DLGAP1: variants seen among roughly 807,000 people sequenced by gnomAD.
DLGAP1 encodes the protein disks large-associated protein 1.
Under a neutral mutation model 90.8 loss-of-function variants are expected in DLGAP1, and 11 were observed. That is an observed-to-expected ratio of 0.12 (90% CI 0.08 to 0.20). The LOEUF (loss-of-function observed/expected upper bound fraction) is 0.20. Ranked by LOEUF, DLGAP1 falls within the 10% of genes least tolerant of loss-of-function variation. The pLI is 1.00. For missense variants in DLGAP1, 1,050 were observed against 1,333.8 expected (o/e 0.79, Z 3.31); for synonymous variants, 558 against 540.7 (o/e 1.03, Z -0.44).
intron 2 of DLGAP1, among the ~76,000 whole-genome samples, chr18:4,072,840 C>G (rs191004820): frequency 6.6e-6 from 1 of 152,242 alleles, no homozygotes; most frequent in African/African-American, 2.4e-5. Flanking sequence ...ATCTCAACAG[C>G]CTCATGAAGA....
At chr18:3,903,230 G>A (rs61492710) in intron 3 of DLGAP1, among the ~76,000 whole-genome samples, 1,590 of 152,280 alleles carry the variant, frequency 0.01, 29 homozygotes, top group African/African-American at 0.036. Flanking sequence ...CCTGCTTACA[G>A]ATGCTACCTG....
At chr18:4,186,099 C>T (rs2077290116) in intron 1 of DLGAP1, among the ~76,000 whole-genome samples, 1 of 152,016 alleles carries the variant, frequency 6.6e-6, no homozygotes, top group African/African-American at 2.4e-5. Flanking sequence ...AGTGTCTGTT[C>T]CTGTCACTTG....
chr18:4,198,769 C>T (rs1244516786), intron 1 of DLGAP1, among the ~76,000 whole-genome samples: 1 of 152,194 alleles, frequency 6.6e-6, no homozygotes, highest in Non-Finnish European at 1.5e-5. Flanking sequence ...CTTGTAGGTG[C>T]ATATCAAATG....
At chr18:4,353,961 G>C (rs1048682164) in intron 1 of DLGAP1, among the ~76,000 whole-genome samples, 1 of 152,180 alleles carries the variant, frequency 6.6e-6, no homozygotes, top group East Asian at 1.9e-4. Flanking sequence ...AGTAGGTTTT[G>C]TGGGTAAACG....
intron 7 of DLGAP1, among the ~76,000 whole-genome samples, chr18:3,719,062 G>A (rs971901384): frequency 3.3e-5 from 5 of 151,954 alleles, no homozygotes; most frequent in African/African-American, 4.8e-5. Context: ...GAAGCAGAAA[G>A]TATAACATTG....
Position 3,565,508 on chromosome 18 carries a change from A to C in DLGAP1, c.2057+1982T>G, listed in dbSNP as rs1356286042. Reference sequence around the variant, plus strand: ...ATACTTTCAAAAATTTTTCTAAAACACTTAATAAAGAAACATATGCCTAGG... The same window carrying C: ...ATACTTTCAAAAATTTTTCTAAAACCCTTAATAAAGAAACATATGCCTAGG... On this transcript the variant is annotated intron_variant, in intron 9 of 12. Coordinates refer to ENST00000315677, the MANE Select transcript of DLGAP1 (RefSeq NM_004746.4). This position sits in a 1 kb window ranked among gnomAD's most constrained non-coding sequence, Gnocchi z 4.0. Among the ~76,000 whole-genome samples the C allele has an allele frequency of 6.6e-6, 1 of 151,996 alleles. No homozygotes were observed. The highest frequency in any genetic ancestry group is 1.5e-5 in the Non-Finnish European group (1 of 67,998).
intron 3 of DLGAP1, among the ~76,000 whole-genome samples, chr18:3,932,057 G>A (rs1035385267): frequency 2.0e-5 from 3 of 152,134 alleles, no homozygotes; most frequent in African/African-American, 7.2e-5. Context: ...ACCAGACACC[G>A]ACAGGCCTGG....
intron 7 of DLGAP1, among the ~76,000 whole-genome samples, chr18:3,652,452 C>G (rs958385350): frequency 6.6e-6 from 1 of 152,170 alleles, no homozygotes; most frequent in African/African-American, 2.4e-5. Context: ...TTCAGACTCC[C>G]AAGTAGCTAG....
rs373326473 is a variant in DLGAP1 at position 3,660,430 on chromosome 18, C to T, written c.1591+68705G>A. Among the ~76,000 whole-genome samples, 24 of 152,358 alleles carry T rather than the reference C, an allele frequency of 1.6e-4. No individual in the cohort carries two copies. The highest frequency in any genetic ancestry group is 6.2e-4 in the South Asian group (3 of 4,834). ...ATATAATCAGAAGGAGAGCAGGAACCTGGTCTGTTTTGTTTGCTGCTGTAA... is the reference window on the plus strand; with the variant it reads ...ATATAATCAGAAGGAGAGCAGGAACTTGGTCTGTTTTGTTTGCTGCTGTAA... On this transcript the variant is annotated intron_variant, in intron 7 of 12. Transcript: ENST00000315677. The surrounding 1 kb of genome is among the most constrained non-coding windows in gnomAD (Gnocchi z 4.2).
chr18:3,816,691 C>T (rs2067123466), intron 4 of DLGAP1, among the ~76,000 whole-genome samples: 1 of 152,170 alleles, frequency 6.6e-6, no homozygotes, highest in Non-Finnish European at 1.5e-5. Flanking sequence ...TATTATTATT[C>T]CCATTTTACA....
intron 3 of DLGAP1, among the ~76,000 whole-genome samples, chr18:3,968,091 T>C (rs1173038534): frequency 6.6e-6 from 1 of 152,224 alleles, no homozygotes; most frequent in Non-Finnish European, 1.5e-5. Flanking sequence ...AATATGTAAC[T>C]AGCTCTATCA....
intron 4 of DLGAP1, among the ~76,000 whole-genome samples, chr18:3,838,875 G>A (rs1363847018): frequency 2.0e-5 from 3 of 152,072 alleles, no homozygotes; most frequent in African/African-American, 4.8e-5. Context: ...AAATTAGCAT[G>A]CATTTCACAT....
intron 2 of DLGAP1, among the ~76,000 whole-genome samples, chr18:4,148,717 C>T (rs1336549247): frequency 6.6e-6 from 1 of 152,210 alleles, no homozygotes; most frequent in Admixed American, 6.5e-5. Flanking sequence ...CTCCTGTCCC[C>T]TCCACTTTAA....
At chr18:4,448,311 A>G (rs2083719324) in intron 1 of DLGAP1, among the ~76,000 whole-genome samples, 1 of 152,144 alleles carries the variant, frequency 6.6e-6, no homozygotes. Flanking sequence ...TTACATTTCA[A>G]GCTACCCAAG....
At chr18:3,976,812 T>C (rs970426320) in intron 3 of DLGAP1, among the ~76,000 whole-genome samples, 3 of 152,212 alleles carry the variant, frequency 2.0e-5, no homozygotes, top group Admixed American at 6.5e-5. Flanking sequence ...AATTATAACG[T>C]TATCAGCAAG....
At chr18:3,790,719 C>T (rs146440886) in intron 5 of DLGAP1, among the ~76,000 whole-genome samples, 2 of 152,122 alleles carry the variant, frequency 1.3e-5, no homozygotes, top group East Asian at 1.9e-4. Context: ...GATATATCCA[C>T]GAAAGAAGTT....
intron 1 of DLGAP1, among the ~76,000 whole-genome samples, chr18:4,164,044 C>T (rs1353479783): frequency 6.6e-6 from 1 of 152,076 alleles, no homozygotes; most frequent in Non-Finnish European, 1.5e-5. Flanking sequence ...ACTCTGGCAG[C>T]ACCAGATGAA....
At chr18:4,122,781 C>G (rs1305859566) in intron 2 of DLGAP1, among the ~76,000 whole-genome samples, 1 of 152,154 alleles carries the variant, frequency 6.6e-6, no homozygotes, top group Non-Finnish European at 1.5e-5. Flanking sequence ...GAGACTTTGT[C>G]TACTCCTTGG....
intron 3 of DLGAP1, among the ~76,000 whole-genome samples, chr18:3,886,112 G>T (rs1161590636): frequency 6.6e-6 from 1 of 152,086 alleles, no homozygotes; most frequent in Non-Finnish European, 1.5e-5. Context: ...GCCCTCCTCT[G>T]TCTTACCCCA....
Sources: allele counts gnomAD v4.1 joint callset (sites outside exome capture counted in the v4.1 genomes callset), GRCh38; gene constraint gnomAD v4.1.1; non-coding constraint Gnocchi (gnomAD v3.1); transcripts MANE v1.5; gene names NCBI Gene and HGNC (gene_info 2026-07-23, HGNC 2026-07-21).